CCDC40: variants seen among roughly 807,000 people sequenced by gnomAD.
CCDC40 encodes coiled-coil domain 40 molecular ruler complex subunit, also known as coiled-coil domain-containing protein 40.
In CCDC40, 104 loss-of-function variants were observed where a neutral mutation model predicts 124.5. That is an observed-to-expected ratio of 0.84 (90% CI 0.71 to 0.98). The LOEUF is 0.98. CCDC40 is among the 50% of genes least tolerant of loss of function. The pLI is 0.00. For synonymous variants in CCDC40, 580 were observed against 602.9 expected, an observed-to-expected ratio of 0.96 and a Z score of 0.56; for missense variants, 1,463 against 1,503.9, an observed-to-expected ratio of 0.97 and a Z score of 0.45.
At chr17:80,059,743 A>G (rs1370439994) in intron 9 of CCDC40, among the ~76,000 whole-genome samples, 2 of 152,036 alleles carry the variant, frequency 1.3e-5, no homozygotes, top group South Asian at 4.2e-4. Context: ...TATTTTTAGT[A>G]AAAACAGGGT....
intron 10 of CCDC40, among the ~76,000 whole-genome samples, chr17:80,075,754 C>T (rs1052739124): frequency 6.6e-6 from 1 of 152,186 alleles, no homozygotes; most frequent in Non-Finnish European, 1.5e-5. Context: ...GCTGAGATTA[C>T]AGGCCTGAGC....
Position 80,050,240 on chromosome 17 carries a change from C to T in CCDC40, c.1116C>T (p.Leu372=). 1.3e-6 allele frequency: 2 copies of T among 1,595,818 alleles called. No individual in the cohort carries two copies. Among genetic ancestry groups the T allele is most frequent in the Non-Finnish European group, 1.7e-6 (2 of 1,172,812 alleles). Residue 372 remains leucine (L), a synonymous_variant, in exon 7 of 20, where the codon CTC becomes CTT. Transcript: ENST00000397545. ...AGGAGCTGCAGGCCGCCCGCGCTCT[C>T]TACACCAAGACCTGCGCAGCCGCCA... ...KEEELQAARA[L]YTKTCAAANE...
At chr17:80,096,923 C>T (rs1205857830) in intron 18 of CCDC40, among the ~76,000 whole-genome samples, 2 of 152,254 alleles carry the variant, frequency 1.3e-5, no homozygotes, top group Non-Finnish European at 2.9e-5. Context: ...TCGGCCCTTA[C>T]AGCCTCAGCC....
intron 2 of CCDC40, among the ~76,000 whole-genome samples, chr17:80,038,402 G>C (rs149098355): frequency 6.6e-6 from 1 of 151,952 alleles, no homozygotes; most frequent in Admixed American, 6.6e-5. Flanking sequence ...GTGGTGGTGC[G>C]CACATGTAGT....
rs761780561 is a variant in CCDC40, at chr17:80,086,126, G to T, written c.2359G>T (p.Val787Leu). The T allele has an allele frequency of 6.2e-7, 1 of 1,614,126 alleles. No homozygotes were observed. The highest frequency in any genetic ancestry group is 8.5e-7 in the Non-Finnish European group (1 of 1,180,032). Residue 787 changes from valine to leucine, a missense_variant, in exon 14 of 20, where the codon GTG becomes TTG. Transcript: ENST00000397545. This position sits in a 1 kb window ranked among gnomAD's most constrained non-coding sequence, Gnocchi z 5.5. ...WLRLQQEMVK[V>L]TQEQEEQLAS... is the part of the protein sequence containing the mutation. ...GCGCCTGCAGCAGGAGATGGTCAAG[G>T]TGACACAGGAGCAGGAGGAGCAGCT...
chr17:80,053,077 G>T (rs1286553578), intron 7 of CCDC40, among the ~76,000 whole-genome samples: 2 of 152,218 alleles, frequency 1.3e-5, no homozygotes, highest in Non-Finnish European at 2.9e-5. Flanking sequence ...ACAGATTAGG[G>T]AAATCGAATC....
At chr17:80,038,390 G>A (rs1170189019) in intron 2 of CCDC40, among the ~76,000 whole-genome samples, 3 of 152,118 alleles carry the variant, frequency 2.0e-5, no homozygotes, top group Non-Finnish European at 4.4e-5. Flanking sequence ...AATTAGCCGG[G>A]CGTGGTGGTG....
At position 80,058,560 on chromosome 17, in the gene CCDC40, A is replaced by G; in HGVS notation, c.1226A>G (p.Gln409Arg). The G allele has an allele frequency of 6.2e-7, 1 of 1,614,194 alleles. No individual in the cohort carries two copies. Among genetic ancestry groups the G allele is most frequent in the South Asian group, 1.1e-5 (1 of 91,082 alleles). ...CTCTTCTACATGCAGAACATCGACCAGGACATGCGTGACGACATCCGCGTG... is the reference window on the plus strand; with the variant it reads ...CTCTTCTACATGCAGAACATCGACCGGGACATGCGTGACGACATCCGCGTG... ...LHLFYMQNID[Q>R]DMRDDIRVMT... Residue 409 changes from glutamine (Q) to arginine (R), a missense_variant, in exon 8 of 20, where the codon CAG (glutamine) becomes CGG (arginine). Coordinates refer to ENST00000397545, the MANE Select transcript of CCDC40 (RefSeq NM_017950.4). The surrounding 1 kb of genome is among the most constrained non-coding windows in gnomAD (Gnocchi z 4.2).
Position 80,050,281 on chromosome 17 carries a change from AGT to A in CCDC40, c.1159+1_1159+2del. On this transcript the variant is annotated frameshift_variant and splice_region_variant, in exon 7 of 20. Coordinates refer to ENST00000397545, the MANE Select transcript of CCDC40 (RefSeq NM_017950.4). LOFTEE classifies it high-confidence loss of function. The stretch of plus-strand genomic sequence containing the variant: ...GCAGCCGCCAACGAGGAGCGCAAAA[AGT>A]GTAAGGCAACCCGGCAGCCCCACAC... 6.4e-7 allele frequency: 1 copy of A among 1,556,914 alleles called. No individual in the cohort carries two copies. The highest frequency in any genetic ancestry group is 1.2e-5 in the South Asian group (1 of 84,980).
chr17:80,072,083 C>T (rs1393782628), intron 10 of CCDC40, among the ~76,000 whole-genome samples: 2 of 152,010 alleles, frequency 1.3e-5, no homozygotes, highest in Non-Finnish European at 2.9e-5. Context: ...AGGTGATCTG[C>T]CCCCACTTGG....
At chr17:80,053,588 T>TTTTG (rs531177141) in intron 7 of CCDC40, among the ~76,000 whole-genome samples, 95 of 152,202 alleles carry the variant, frequency 6.2e-4, no homozygotes, top group Non-Finnish European at 1.2e-3. Context: ...TTTTTGTGTT[T>TTTTG]TTTGTTTGTT....
intron 12 of CCDC40, among the ~76,000 whole-genome samples, chr17:80,083,144 G>A (rs567194041): frequency 3.1e-4 from 47 of 152,118 alleles, no homozygotes; most frequent in Middle Eastern, 3.4e-3. Context: ...GGAGTGGAGC[G>A]GGGGTGCAGG....
rs961462101 is a variant in CCDC40 at position 80,058,736 on chromosome 17, G to A, written c.1317+85G>A. On this transcript the variant is annotated intron_variant, in intron 8 of 19. Coordinates refer to ENST00000397545, the MANE Select transcript of CCDC40 (RefSeq NM_017950.4). The surrounding 1 kb of genome is among the most constrained non-coding windows in gnomAD (Gnocchi z 4.2). ...GCTCAGCTTTGCCTCCTGCGTGAAG[G>A]CTTCCGGCCGGAGGGGTGGCGGCCG... 2.5e-6 allele frequency: 4 copies of A among 1,603,682 alleles called. No homozygotes were observed. The highest frequency in any genetic ancestry group is 4.5e-5 in the East Asian group (2 of 44,822).
chr17:80,095,326 G>A lies in CCDC40; in HGVS notation c.2896G>A (p.Ala966Thr), dbSNP rs1274866548. 1.9e-6 allele frequency: 3 copies of A among 1,614,116 alleles called. No individual in the cohort carries two copies. The East Asian group carries it at 6.7e-5, about 36-fold the overall frequency. The change falls in exon 18 of 20, where the codon GCC (alanine) becomes ACC (threonine). Residue 966 changes from alanine to threonine, a missense_variant. Ala to Thr is a moderately conservative substitution (Grantham distance 58). Coordinates refer to ENST00000397545, the MANE Select transcript of CCDC40 (RefSeq NM_017950.4). ...KMIRAMELAV[A>T]RRETVTTQAE... Reference sequence around the variant, plus strand: ...GATCCGTGCCATGGAGTTGGCGGTTGCCCGCAGAGAGACCGTCACCACCCA... The same window carrying A: ...GATCCGTGCCATGGAGTTGGCGGTTACCCGCAGAGAGACCGTCACCACCCA...
intron 19 of CCDC40, among the ~76,000 whole-genome samples, chr17:80,098,672 C>T (rs1422397455): frequency 6.6e-6 from 1 of 152,186 alleles, no homozygotes; most frequent in Non-Finnish European, 1.5e-5. Context: ...GGCACGGTGG[C>T]TCATGCCTGT....
chr17:80,037,960 T>C (rs2037172928), intron 1 of CCDC40, 163 bp from the exon 2 acceptor site: 1 of 629,978 alleles, frequency 1.6e-6, no homozygotes, highest in Non-Finnish European at 3.0e-6. Context: ...AGGCATGATA[T>C]AGTGCTATGG....
intron 7 of CCDC40, among the ~76,000 whole-genome samples, chr17:80,050,809 C>T (rs28363849): frequency 0.32 from 48,560 of 152,028 alleles, 10,535 homozygotes; most frequent in African/African-American, 0.62. Context: ...ACAGCCAGAG[C>T]GTAGAGATTC....
At chr17:80,041,808 G>A (rs566482112) in intron 3 of CCDC40, among the ~76,000 whole-genome samples, 2 of 152,224 alleles carry the variant, frequency 1.3e-5, no homozygotes, top group East Asian at 3.9e-4. Flanking sequence ...TCACGGAAGC[G>A]ACGTGGGGCT....
At chr17:80,043,213 C>G (rs543768505) in intron 3 of CCDC40, among the ~76,000 whole-genome samples, 9 of 152,324 alleles carry the variant, frequency 5.9e-5, no homozygotes, top group African/African-American at 1.9e-4. Flanking sequence ...TGATCGGACG[C>G]ACCTCCATCC....
Sources: gnomAD v4.1 joint callset for allele counts (sites outside exome capture counted in the v4.1 genomes callset) on GRCh38, gnomAD v4.1.1 for gene constraint, Gnocchi (gnomAD v3.1) non-coding constraint, MANE v1.5 for transcripts, NCBI Gene and HGNC (gene_info 2026-07-23, HGNC 2026-07-21) for gene names.